The following PTPRD variants were observed in gnomAD, a reference collection of about 807,000 sequenced individuals.
PTPRD encodes the protein protein tyrosine phosphatase receptor type D.
Under a neutral mutation model 214.5 loss-of-function variants are expected in PTPRD, and 34 were observed. The observed-to-expected ratio is 0.16, with a 90% CI of 0.12 to 0.21. The LOEUF (loss-of-function observed/expected upper bound fraction) is 0.21. Among genes scored for constraint, PTPRD ranks in the 10% least tolerant of loss-of-function variants. The probability of loss-of-function intolerance (pLI) is 1.00; values close to 1 mark genes in which losing one functional copy is unlikely to be tolerated. For synonymous variants in PTPRD, 1,128 were observed against 845.7 expected (o/e 1.33, Z -5.79); for missense variants, 2,545 against 2,398.7 (o/e 1.06, Z -1.27).
chr9:8,767,853 G>A (rs370292853), intron 11 of PTPRD, among the ~76,000 whole-genome samples: 1 of 151,970 alleles, frequency 6.6e-6, no homozygotes, highest in Non-Finnish European at 1.5e-5. Flanking sequence ...TCTCATTTAA[G>A]TTACAGTAAA....
intron 7 of PTPRD, among the ~76,000 whole-genome samples, chr9:9,659,242 A>G (rs1273395314): frequency 1.3e-5 from 2 of 152,114 alleles, no homozygotes; most frequent in African/African-American, 2.4e-5. Context: ...AAAATTTTAC[A>G]TATGTGTAGC....
rs1564497864 is a variant in PTPRD, at chr9:10,202,662, AATTATATGGATATATATATATATAT to A, written c.-545+138276_-545+138300del. On this transcript the variant is annotated intron_variant, in intron 3 of 45. Coordinates refer to ENST00000381196, the MANE Select transcript of PTPRD (RefSeq NM_002839.4). The stretch of plus-strand genomic sequence containing the variant: ...TAGCACCTGGATGCCTACTTATAAA[AATTATATGGATATATATATATATAT>A]ATATATATATATGCACCAGTGAATA... 3.2e-5 allele frequency among the ~76,000 whole-genome samples: 4 copies of A among 123,540 alleles called. 1 individual carries two copies. The Middle Eastern group carries it at 0.012, about 362-fold the overall frequency. 81.0% of individuals were successfully genotyped at this position (123,540 alleles called of 152,430 possible).
At chr9:10,139,639 G>C (rs2098968637) in intron 3 of PTPRD, among the ~76,000 whole-genome samples, 1 of 151,920 alleles carries the variant, frequency 6.6e-6, no homozygotes, top group African/African-American at 2.4e-5. Context: ...CTTCAAACTG[G>C]ACTACAAGGG....
At chr9:10,273,484 T>C (rs904721135) in intron 3 of PTPRD, among the ~76,000 whole-genome samples, 9 of 152,090 alleles carry the variant, frequency 5.9e-5, no homozygotes, top group Non-Finnish European at 1.3e-4. Flanking sequence ...AAAAAAGTAG[T>C]CAAGTACCAA....
chr9:9,978,432 A>G (rs917990285), intron 4 of PTPRD, among the ~76,000 whole-genome samples: 3 of 152,280 alleles, frequency 2.0e-5, no homozygotes, highest in East Asian at 1.9e-4. Context: ...CAATGGATAC[A>G]TAAGTACTCG....
intron 11 of PTPRD, among the ~76,000 whole-genome samples, chr9:8,970,375 A>T (rs1464096454): frequency 1.3e-5 from 2 of 151,944 alleles, no homozygotes; most frequent in African/African-American, 4.8e-5. Context: ...AAGATGAATA[A>T]CCAGAAAGAA....
chr9:10,439,659 TAAC>T (rs748048674), intron 2 of PTPRD, among the ~76,000 whole-genome samples: 6 of 151,470 alleles, frequency 4.0e-5, no homozygotes, highest in Admixed American at 6.6e-5. Context: ...AAGAACAAAA[TAAC>T]AACAACAACA....
intron 44 of PTPRD, among the ~76,000 whole-genome samples, chr9:8,330,297 C>CTATTCCTATTCAG (rs1480155928): frequency 6.6e-6 from 1 of 152,180 alleles, no homozygotes; most frequent in Non-Finnish European, 1.5e-5. Flanking sequence ...CAGACCAGAG[C>CTATTCCTATTCAG]TATTCCTATT....
intron 9 of PTPRD, among the ~76,000 whole-genome samples, chr9:9,240,277 A>G (rs899402864): frequency 1.3e-5 from 2 of 152,218 alleles, no homozygotes; most frequent in African/African-American, 4.8e-5. Flanking sequence ...AAATACTGAC[A>G]CATTAATTAC....
At chr9:8,625,925 G>A (rs920654189) in intron 14 of PTPRD, among the ~76,000 whole-genome samples, 2 of 151,250 alleles carry the variant, frequency 1.3e-5, no homozygotes, top group Non-Finnish European at 3.0e-5. Context: ...AATATGGGAT[G>A]TGTGTCATCA....
chr9:8,890,396 T>C (rs2098528692), intron 11 of PTPRD, among the ~76,000 whole-genome samples: 1 of 152,206 alleles, frequency 6.6e-6, no homozygotes, highest in South Asian at 2.1e-4. Flanking sequence ...TAAGAAACTA[T>C]TGGCCTCAGG....
intron 5 of PTPRD, among the ~76,000 whole-genome samples, chr9:9,780,233 AC>A (rs1171552565): frequency 6.6e-6 from 1 of 152,142 alleles, no homozygotes; most frequent in Non-Finnish European, 1.5e-5. Flanking sequence ...AAACATGAGA[AC>A]AATAGACACT....
At chr9:10,011,464 G>A (rs568386838) in intron 4 of PTPRD, among the ~76,000 whole-genome samples, 2 of 151,906 alleles carry the variant, frequency 1.3e-5, no homozygotes, top group Admixed American at 1.3e-4. Context: ...GCTTTTAGCT[G>A]TCGAATGCAT....
At chr9:9,073,645 C>CA (rs2099746999) in intron 10 of PTPRD, among the ~76,000 whole-genome samples, 1 of 152,158 alleles carries the variant, frequency 6.6e-6, no homozygotes, top group African/African-American at 2.4e-5. Flanking sequence ...CCTTCAGATG[C>CA]AAGACTCTTA....
intron 9 of PTPRD, among the ~76,000 whole-genome samples, chr9:9,280,782 T>C (rs1947406420): frequency 1.3e-5 from 2 of 151,222 alleles, no homozygotes; most frequent in African/African-American, 2.4e-5. Context: ...AAACTGATTG[T>C]AAAGTTTATA....
chr9:8,962,808 C>A (rs1012529699), intron 11 of PTPRD: 2 of 152,006 alleles, frequency 1.3e-5, no homozygotes, highest in African/African-American at 4.8e-5. Flanking sequence ...AGGACTCAAG[C>A]TACCAAAGGT....
intron 5 of PTPRD, among the ~76,000 whole-genome samples, chr9:9,898,706 G>T (rs1164645853): frequency 6.6e-6 from 1 of 152,052 alleles, no homozygotes; most frequent in African/African-American, 2.4e-5. Flanking sequence ...GCATAGAAAT[G>T]CTATGGTCTT....
chr9:9,757,800 G>A (rs1226041954), intron 6 of PTPRD, among the ~76,000 whole-genome samples: 1 of 151,980 alleles, frequency 6.6e-6, no homozygotes, highest in Non-Finnish European at 1.5e-5. Flanking sequence ...CCAAAAATAT[G>A]TATATACTTT....
intron 7 of PTPRD, among the ~76,000 whole-genome samples, chr9:9,684,407 T>G (rs1258001630): frequency 6.6e-6 from 1 of 151,634 alleles, no homozygotes; most frequent in Non-Finnish European, 1.5e-5. Context: ...CAGATGTTAA[T>G]TTTCCAGATT....
Sources: gnomAD v4.1 joint callset for allele counts (sites outside exome capture counted in the v4.1 genomes callset) on GRCh38, gnomAD v4.1.1 for gene constraint, MANE v1.5 for transcripts, NCBI Gene and HGNC (gene_info 2026-07-23, HGNC 2026-07-21) for gene names.